Variants in MDN1 observed in about 807,000 individuals in gnomAD.
The protein encoded by MDN1 is midasin AAA ATPase 1.
A neutral mutation model predicts 669.2 loss-of-function variants in MDN1; 266 were observed. That is an observed-to-expected ratio of 0.40 (90% CI 0.36 to 0.44). The LOEUF is 0.44. Ranked by LOEUF, MDN1 falls within the 20% of genes least tolerant of loss-of-function variation. The probability of loss-of-function intolerance (pLI) is 1.00; values close to 1 mark genes in which losing one functional copy is unlikely to be tolerated. For synonymous variants in MDN1, 2,385 were observed against 2,457.1 expected, an observed-to-expected ratio of 0.97 and a Z score of 0.87; for missense variants, 5,940 against 6,754.0, an observed-to-expected ratio of 0.88 and a Z score of 4.22.
At chr6:89,747,200 G>C (rs1469271623) in intron 27 of MDN1, 129 bp downstream of exon 27, 1 of 1,064,060 alleles carries the variant, frequency 9.4e-7, no homozygotes, top group Non-Finnish European at 1.3e-6. Flanking sequence ...TAGAACTGGA[G>C]GGAAACAGGC....
In MDN1 at chr6:89,768,739, C is replaced by T. The variant is rs565345618; in HGVS notation, c.2144+2822G>A. On this transcript the variant is annotated intron_variant, in intron 15 of 101. Coordinates refer to ENST00000369393, the MANE Select transcript of MDN1 (RefSeq NM_014611.3). Reference sequence around the variant, plus strand: ...GCAACAGAGTGAGACCCTGTCCCCCCCCAAAAAAAGAGTTAAAATTAAATA... The same window carrying T: ...GCAACAGAGTGAGACCCTGTCCCCCTCCAAAAAAAGAGTTAAAATTAAATA... 9.9e-5 allele frequency among the ~76,000 whole-genome samples: 15 copies of T among 151,668 alleles called. No homozygotes were observed. The South Asian group carries it at 3.1e-3, about 31-fold the overall frequency.
chr6:89,680,157 C>G (rs187901452), intron 74 of MDN1, among the ~76,000 whole-genome samples: 2 of 152,118 alleles, frequency 1.3e-5, no homozygotes, highest in African/African-American at 4.8e-5. Context: ...CTCACCTTCC[C>G]TGAGCAAAGA....
At position 89,738,398 on chromosome 6, in the gene MDN1, G is replaced by A. The variant is rs543829019; in HGVS notation, c.4651C>T (p.Arg1551Cys). 2.0e-5 allele frequency: 32 copies of A among 1,613,904 alleles called. No homozygotes were observed. Among genetic ancestry groups the A allele is most frequent in the East Asian group, 8.9e-5 (4 of 44,864 alleles). Residue 1551 changes from arginine to cysteine, a missense_variant, in exon 33 of 102, where the codon CGT (arginine) becomes TGT (cysteine). Physicochemically the swap from Arg to Cys is radical, Grantham distance 180 (BLOSUM62 -3). Around this residue, in one of 5 missense-constraint regions of MDN1, gnomAD observed 2,292 missense variants for 2,638.3 expected, o/e 0.87. Coordinates refer to ENST00000369393, the MANE Select transcript of MDN1 (RefSeq NM_014611.3). ...CTGATGATCTGAATTAAATCTTCAC[G>A]GCTTGTGCTTTGAGGGCACCATATT... ...TEIWCPQSTS[R>C]EDLIQIISHN...
In MDN1 at chr6:89,819,550, T is replaced by C; in HGVS notation, c.58A>G (p.Asn20Asp). 1 of 1,605,080 alleles carries C rather than the reference T, an allele frequency of 6.2e-7. No individual in the cohort carries two copies. The highest frequency in any genetic ancestry group is 1.1e-5 in the South Asian group (1 of 91,088). The change falls in exon 1 of 102, where the codon AAC becomes GAC. Residue 20 changes from asparagine (N) to aspartate (D), a missense_variant. Around this residue, in one of 5 missense-constraint regions of MDN1, gnomAD observed 1,203 missense variants for 1,268.9 expected, o/e 0.95. Transcript: ENST00000369393. Reference protein sequence around the residue: ...AAPLRLIAAKNEKSRSELGRF... With the variant: ...AAPLRLIAAKDEKSRSELGRF... ...CCCAACTCACTGCGGCTCTTCTCGT[T>C]CTTGGCTGCGATTAACCGCAGCGGC...
Position 89,658,287 on chromosome 6 carries a change from C to G in MDN1, c.15105G>C (p.Gln5035His), listed in dbSNP as rs2128300347. The change falls in exon 90 of 102, where the codon CAG becomes CAC. Residue 5035 changes from glutamine (Q) to histidine (H), a missense_variant. Around this residue, in one of 5 missense-constraint regions of MDN1, gnomAD observed 2,280 missense variants for 2,576.3 expected, o/e 0.88. Coordinates refer to ENST00000369393, the MANE Select transcript of MDN1 (RefSeq NM_014611.3). ...LERKEHASCG[Q>H]TGVENMQNTQ... Reference sequence around the variant, plus strand: ...TGTTCTGCATGTTCTCCACACCAGTCTGCCCACAGGAGGCATGCTCCTTCC... The same window carrying G: ...TGTTCTGCATGTTCTCCACACCAGTGTGCCCACAGGAGGCATGCTCCTTCC... 6.2e-7 allele frequency: 1 copy of G among 1,614,224 alleles called. No individual in the cohort carries two copies. The highest frequency in any genetic ancestry group is 2.2e-5 in the East Asian group (1 of 44,880).
intron 51 of MDN1, among the ~76,000 whole-genome samples, 198 bp downstream of exon 51, chr6:89,708,298 G>A: frequency 6.6e-6 from 1 of 152,114 alleles, no homozygotes; most frequent in Non-Finnish European, 1.5e-5. Context: ...GCTAGACCCT[G>A]TCTCAAAAGC....
At chr6:89,776,483 T>C (rs1818362095) in intron 12 of MDN1, 117 bp downstream of exon 12, 1 of 707,234 alleles carries the variant, frequency 1.4e-6, no homozygotes, top group Admixed American at 3.1e-5. Context: ...GCACCAACTT[T>C]TACAAAAGAG....
Position 89,708,502 on chromosome 6 carries a change from G to GCAGCTGATT in MDN1, c.7883_7891dup (p.Glu2628_Ala2630dup). On this transcript the variant is annotated inframe_insertion, in exon 51 of 102. Transcript: ENST00000369393. ...AGCAGCAGGTTTCACTTACTTGTTT[G>GCAGCTGATT]CAGCTGATTCTAAAAGGGCAAAGAG... The GCAGCTGATT allele has an allele frequency of 6.2e-7, 1 of 1,613,938 alleles. No homozygotes were observed. The highest frequency in any genetic ancestry group is 8.5e-7 in the Non-Finnish European group (1 of 1,179,936).
intron 24 of MDN1, 43 bp from the exon 25 acceptor site, chr6:89,749,794 C>T (rs778110396): frequency 5.5e-6 from 8 of 1,450,822 alleles, no homozygotes; most frequent in Admixed American, 1.7e-5. Flanking sequence ...TAAATCAGTA[C>T]AAAGTTTTAA....
chr6:89,810,459 AC>A (rs1768339675), intron 1 of MDN1, among the ~76,000 whole-genome samples: 1 of 152,136 alleles, frequency 6.6e-6, no homozygotes, highest in African/African-American at 2.4e-5. Context: ...AAAACAAAAA[AC>A]AAATTAAAAA....
chr6:89,656,051 G>C, intron 91 of MDN1, 83 bp from the exon 92 acceptor site: 2 of 1,217,816 alleles, frequency 1.6e-6, no homozygotes, highest in South Asian at 1.4e-5. Context: ...ATCTATAGGG[G>C]ACAGGATAAG....
chr6:89,714,713 G>T lies in MDN1; in HGVS notation c.6899C>A (p.Ser2300Tyr). Residue 2300 changes from serine (S) to tyrosine (Y), a missense_variant, in exon 46 of 102, where the codon TCC (serine) becomes TAC (tyrosine). Around this residue, in one of 5 missense-constraint regions of MDN1, gnomAD observed 2,292 missense variants for 2,638.3 expected, o/e 0.87. Coordinates refer to ENST00000369393, the MANE Select transcript of MDN1 (RefSeq NM_014611.3). ...LSMDPVHGDI[S>Y]RAMRNRGLEI... The stretch of plus-strand genomic sequence containing the variant: ...AAGTCCACGATTCCTCATAGCTCGG[G>T]ATATATCTCCATGAACAGGATCCAT... 6.2e-7 allele frequency: 1 copy of T among 1,613,966 alleles called. No homozygotes were observed. The highest frequency in any genetic ancestry group is 8.5e-7 in the Non-Finnish European group (1 of 1,179,964).
At chr6:89,752,728 C>G (rs1392558190) in intron 22 of MDN1, among the ~76,000 whole-genome samples, 1 of 152,150 alleles carries the variant, frequency 6.6e-6, no homozygotes, top group East Asian at 1.9e-4. Context: ...TGTACCCATC[C>G]AGTGAAATGC....
At position 89,678,663 on chromosome 6, in the gene MDN1, G is replaced by A; in HGVS notation, c.12348C>T (p.Ala4116=). The A allele has an allele frequency of 2.5e-6, 4 of 1,614,108 alleles. No individual in the cohort carries two copies. Among genetic ancestry groups the A allele is most frequent in the Non-Finnish European group, 3.4e-6 (4 of 1,179,994 alleles). The change falls in exon 75 of 102, where the codon GCC becomes GCT. Residue 4116 remains alanine (A), a synonymous_variant. Transcript: ENST00000369393. ...SAEKEKQRSE[A]KHILMQKQRA... is the part of the protein sequence containing the mutation. The stretch of plus-strand genomic sequence containing the variant: ...GCTGTTTTTGCATGAGAATGTGCTT[G>A]GCTTCTGACCGCTGCTTCTCCTTCT...
intron 22 of MDN1, 95 bp from the exon 23 acceptor site, chr6:89,751,677 GT>G: frequency 1.6e-6 from 2 of 1,285,914 alleles, no homozygotes; most frequent in South Asian, 1.5e-5. Flanking sequence ...TGAACAAGCT[GT>G]CTTGTTCTGC....
chr6:89,655,719 T>A, intron 92 of MDN1, 45 bp downstream of exon 92: 1 of 1,496,114 alleles, frequency 6.7e-7, no homozygotes. Flanking sequence ...CAAGCTCTCA[T>A]AGAGAGCTCA....
rs1229015681 is a variant in MDN1, at chr6:89,750,482, A to G, written c.3278T>C (p.Leu1093Pro). The change falls in exon 24 of 102, where the codon CTG becomes CCG. Residue 1093 changes from leucine (L) to proline (P), a missense_variant. Coordinates refer to ENST00000369393, the MANE Select transcript of MDN1 (RefSeq NM_014611.3). ...QGETSVGKTS[L>P]IQWLAAATGN... is the part of the protein sequence containing the mutation. ...AGTAGCTGCAGCCAGCCACTGGATCAGGCTTGTTTTACCAACTGATGTCTC... is the reference window on the plus strand; with the variant it reads ...AGTAGCTGCAGCCAGCCACTGGATCGGGCTTGTTTTACCAACTGATGTCTC... The G allele has an allele frequency of 2.5e-6, 4 of 1,614,016 alleles. No homozygotes were observed. Among genetic ancestry groups the G allele is most frequent in the South Asian group, 2.2e-5 (2 of 91,060 alleles).
In MDN1 at chr6:89,645,292, G is replaced by T. The variant is rs1808425111; in HGVS notation, c.16460-135C>A. On this transcript the variant is annotated intron_variant, in intron 100 of 101. Transcript: ENST00000369393. ...AGCTAAACAGACCTCTAAAGCTGAT[G>T]AATTCTGGGCACAAACCTAAGGGAC... is the stretch of plus-strand genomic sequence containing the variant. 8.6e-6 allele frequency: 8 copies of T among 931,432 alleles called. 1 individual carries two copies. In the Middle Eastern group the frequency reaches 1.2e-3, roughly 142 times the overall value. The allele number at this position is 931,432 out of a possible 1,614,324, so 57.7% of individuals were successfully genotyped here. A position where few individuals can be genotyped will look rare whatever the true frequency, so the allele number is the denominator to read the frequency against.
chr6:89,754,035 G>T (rs1817098020), intron 21 of MDN1, 48 bp downstream of exon 21: 1 of 1,583,606 alleles, frequency 6.3e-7, no homozygotes, highest in African/African-American at 1.4e-5. Flanking sequence ...TCCTTCCCAT[G>T]AACCCATCCA....
Sources: gnomAD v4.1 joint callset for allele counts (sites outside exome capture counted in the v4.1 genomes callset) on GRCh38, gnomAD v4.1.1 for gene constraint, gnomAD v4.1.1 regional missense constraint, MANE v1.5 for transcripts, NCBI Gene and HGNC (gene_info 2026-07-23, HGNC 2026-07-21) for gene names.